Variants in RASSF3 observed in about 807,000 individuals in gnomAD.
RASSF3 encodes ras association domain-containing protein 3.
RASSF3 carries 19 observed loss-of-function variants against 19.9 expected under a neutral mutation model. The ratio of observed to expected loss-of-function variants is 0.96; its 90% CI spans 0.67 to 1.40. The LOEUF (loss-of-function observed/expected upper bound fraction) is 1.40, where lower values mean the gene tolerates loss of function less well. Among genes scored for constraint, RASSF3 ranks in the 40% most tolerant of loss-of-function variants. The probability of loss-of-function intolerance (pLI) is 0.00; values close to 1 mark genes in which losing one functional copy is unlikely to be tolerated. For missense variants in RASSF3, 306 were observed against 289.8 expected, an observed-to-expected ratio of 1.06 and a Z score of -0.41; for synonymous variants, 110 against 104.2, an observed-to-expected ratio of 1.06 and a Z score of -0.34.
chr12:64,608,986 CCTT>C (rs1397699130), upstream of RASSF3, among the ~76,000 whole-genome samples: 1 of 152,134 alleles, frequency 6.6e-6, no homozygotes, highest in African/African-American at 2.4e-5. Context: ...CAAAGGCCCT[CCTT>C]CTGGAGTTGT....
intron 2 of RASSF3, among the ~76,000 whole-genome samples, chr12:64,566,323 T>C (rs762672893): frequency 1.3e-5 from 2 of 152,250 alleles, no homozygotes; most frequent in African/African-American, 4.8e-5. Flanking sequence ...CATCTTGTTT[T>C]ACATTTTTTA....
chr12:64,636,604 G>A (rs1460403329), intron 1 of RASSF3, among the ~76,000 whole-genome samples: 20 of 151,856 alleles, frequency 1.3e-4, no homozygotes. Flanking sequence ...GGTGGCTCAC[G>A]CCTGTAATCC....
chr12:64,601,798 G>C (rs909288010), intron 2 of RASSF3, among the ~76,000 whole-genome samples: 2 of 152,070 alleles, frequency 1.3e-5, no homozygotes, highest in Non-Finnish European at 2.9e-5. Flanking sequence ...GGGCAAGAGA[G>C]CAAGACTCTG....
intron 1 of RASSF3, among the ~76,000 whole-genome samples, chr12:64,664,013 C>T (rs1316983987): frequency 6.6e-6 from 1 of 152,052 alleles, no homozygotes; most frequent in Non-Finnish European, 1.5e-5. Flanking sequence ...ATTGATGGGG[C>T]AAAGGGAAAA....
intron 1 of RASSF3, among the ~76,000 whole-genome samples, chr12:64,517,366 T>G (rs539830588): frequency 1.3e-5 from 2 of 152,010 alleles, no homozygotes; most frequent in South Asian, 2.1e-4. Context: ...CAAAAAATAT[T>G]TTGGGGGAAA....
At position 64,514,202 on chromosome 12, in the gene RASSF3, T is replaced by C. The variant is rs1162720227; in HGVS notation, c.169+6873T>C. ...GCGCTCAGCCTCTTTTTTTTTTTTT[T>C]TTTTTTTTTGAGATGGAGTCTCGCT... is the stretch of plus-strand genomic sequence containing the variant. On this transcript the variant is annotated intron_variant, in intron 1 of 5. Transcript: ENST00000637125. Among the ~76,000 whole-genome samples the C allele has an allele frequency of 1.6e-4, 23 of 142,606 alleles. 1 individual carries two copies. In the Middle Eastern group the frequency reaches 0.017, roughly 106 times the overall value. The allele number at this position is 142,606 out of a possible 152,430, so 93.6% of individuals were successfully genotyped here.
At chr12:64,599,761 G>C (rs374002946) in intron 2 of RASSF3, among the ~76,000 whole-genome samples, 1 of 152,156 alleles carries the variant, frequency 6.6e-6, no homozygotes, top group Non-Finnish European at 1.5e-5. Context: ...AGCCGGGCGC[G>C]GTGGCTCACG....
At chr12:64,679,936 A>G (rs929211103) in intron 1 of RASSF3, among the ~76,000 whole-genome samples, 1 of 152,108 alleles carries the variant, frequency 6.6e-6, no homozygotes, top group Non-Finnish European at 1.5e-5. Flanking sequence ...GCCCCATGCC[A>G]TTTCCTCTCC....
At chr12:64,576,546 G>C (rs1869598431) in intron 2 of RASSF3, among the ~76,000 whole-genome samples, 2 of 152,154 alleles carry the variant, frequency 1.3e-5, no homozygotes. Flanking sequence ...ACATAGACCA[G>C]GGATTGGCAA....
chr12:64,507,226 T>C (rs1378029362), exon 1 of RASSF3: 1 of 398,568 alleles, frequency 2.5e-6, no homozygotes, highest in African/African-American at 2.1e-5. Context: ...GAAGTGACTT[T>C]CATGAGACCT....
intron 2 of RASSF3, among the ~76,000 whole-genome samples, chr12:64,559,416 GTTT>G (rs1359283619): frequency 7.6e-5 from 1 of 13,144 alleles, no homozygotes; most frequent in Non-Finnish European, 1.5e-4. Flanking sequence ...GCTAATTGTT[GTTT>G]TTGTTGTTGT....
chr12:64,682,977 C>G (rs903050867), intron 1 of RASSF3, among the ~76,000 whole-genome samples: 1 of 152,194 alleles, frequency 6.6e-6, no homozygotes. Flanking sequence ...TGGGAGCACC[C>G]TAGAAGACCT....
intron 2 of RASSF3, among the ~76,000 whole-genome samples, chr12:64,590,495 A>T (rs1168396825): frequency 6.6e-6 from 1 of 152,206 alleles, no homozygotes. Context: ...AGAGATGAAC[A>T]CATATACACA....
chr12:64,627,439 C>T (rs1245032199), intron 1 of RASSF3, among the ~76,000 whole-genome samples: 1 of 152,172 alleles, frequency 6.6e-6, no homozygotes, highest in East Asian at 1.9e-4. Flanking sequence ...CATCAGGGAA[C>T]TTGAGTTAAT....
intron 1 of RASSF3, among the ~76,000 whole-genome samples, chr12:64,647,618 G>A (rs1162717373): frequency 6.6e-6 from 1 of 151,826 alleles, no homozygotes; most frequent in Non-Finnish European, 1.5e-5. Context: ...TCACCATGTT[G>A]GCCAGGCTGG....
At chr12:64,585,295 A>G (rs1469390550) in intron 2 of RASSF3, among the ~76,000 whole-genome samples, 1 of 152,168 alleles carries the variant, frequency 6.6e-6, no homozygotes, top group African/African-American at 2.4e-5. Flanking sequence ...TGATCTAGCC[A>G]CCACGCCTGG....
intron 2 of RASSF3, among the ~76,000 whole-genome samples, chr12:64,582,258 G>C (rs1869715901): frequency 1.3e-5 from 2 of 152,242 alleles, no homozygotes; most frequent in Non-Finnish European, 2.9e-5. Context: ...TTCCCTTGTA[G>C]ATCTTTCAGC....
At chr12:64,628,110 G>A (rs1871052949) in intron 1 of RASSF3, among the ~76,000 whole-genome samples, 2 of 152,124 alleles carry the variant, frequency 1.3e-5, no homozygotes, top group South Asian at 4.1e-4. Context: ...CCAAAAGAGG[G>A]AATGTCTTGG....
At chr12:64,545,841 A>T (rs1374163538), downstream of RASSF3, among the ~76,000 whole-genome samples, 2 of 152,106 alleles carry the variant, frequency 1.3e-5, no homozygotes, top group Non-Finnish European at 2.9e-5. Context: ...TCACACCACT[A>T]CATTCCTGCC....
Sources: allele counts gnomAD v4.1 joint callset (sites outside exome capture counted in the v4.1 genomes callset), GRCh38; gene constraint gnomAD v4.1.1; transcripts MANE v1.5; gene names NCBI Gene and HGNC (gene_info 2026-07-23, HGNC 2026-07-21).